The following TENM2 variants were observed in gnomAD, a reference collection of about 807,000 sequenced individuals.
TENM2 encodes teneurin transmembrane protein 2, also known as teneurin-2.
Under a neutral mutation model 245.2 loss-of-function variants are expected in TENM2, and 52 were observed. The ratio of observed to expected loss-of-function variants is 0.21; its 90% CI spans 0.17 to 0.27. TENM2 has a LOEUF of 0.27. Among genes scored for constraint, TENM2 ranks in the 10% least tolerant of loss-of-function variants. The probability of loss-of-function intolerance (pLI) is 1.00; values close to 1 mark genes in which losing one functional copy is unlikely to be tolerated. For missense variants in TENM2, 3,046 were observed against 3,666.8 expected (o/e 0.83, Z 4.37); for synonymous variants, 1,363 against 1,438.9 (o/e 0.95, Z 1.19).
chr5:167,286,274 A>C (rs1038872312), intron 1 of TENM2, among the ~76,000 whole-genome samples: 3 of 152,176 alleles, frequency 2.0e-5, no homozygotes, highest in African/African-American at 7.2e-5. Context: ...TTTTTATTTA[A>C]TCTTCCTTCT....
chr5:167,420,733 A>G (rs774014480), intron 2 of TENM2, among the ~76,000 whole-genome samples: 1 of 152,272 alleles, frequency 6.6e-6, no homozygotes, highest in South Asian at 2.1e-4. Context: ...TTTTTCCGAC[A>G]GCACCATCAT....
At chr5:167,707,582 C>T (rs1758620090) in intron 2 of TENM2, among the ~76,000 whole-genome samples, 1 of 152,134 alleles carries the variant, frequency 6.6e-6, no homozygotes, top group Non-Finnish European at 1.5e-5. Flanking sequence ...AGTTGTGCAG[C>T]TTTTTGGATG....
At chr5:167,008,117 G>A in the TENM2 span, among the ~76,000 whole-genome samples, 1 of 152,128 alleles carries the variant, frequency 6.6e-6, no homozygotes, top group Non-Finnish European at 1.5e-5. Flanking sequence ...CTATCTCAGG[G>A]TCTGTTTCTG....
At chr5:167,013,568 A>G in the TENM2 span, among the ~76,000 whole-genome samples, 1 of 152,076 alleles carries the variant, frequency 6.6e-6, no homozygotes, top group African/African-American at 2.4e-5. Context: ...TTAGCCAGGC[A>G]TGGTGGTGCA....
chr5:167,049,345 T>C, the TENM2 span, among the ~76,000 whole-genome samples: 1 of 152,088 alleles, frequency 6.6e-6, no homozygotes. Context: ...GCATTCAGGG[T>C]TTTTCATGAC....
intron 3 of TENM2, chr5:167,935,017 A>C: frequency 4.6e-6 from 3 of 657,554 alleles, no homozygotes; most frequent in Non-Finnish European, 5.7e-6. Flanking sequence ...TTGTGCCCTC[A>C]TGAGTGCGAG....
At chr5:167,679,749 C>T (rs1756575449) in intron 2 of TENM2, among the ~76,000 whole-genome samples, 1 of 152,046 alleles carries the variant, frequency 6.6e-6, no homozygotes, top group South Asian at 2.1e-4. Flanking sequence ...GAAAGAGTTA[C>T]ATTTTATTGA....
chr5:168,224,968 T>C (rs979946962), intron 23 of TENM2, among the ~76,000 whole-genome samples: 9 of 152,130 alleles, frequency 5.9e-5, no homozygotes, highest in Non-Finnish European at 1.3e-4. Context: ...CTAAAGGTGA[T>C]GTGGGGAGAA....
At chr5:167,581,004 C>T (rs555151738) in intron 2 of TENM2, among the ~76,000 whole-genome samples, 3 of 152,054 alleles carry the variant, frequency 2.0e-5, no homozygotes, top group Admixed American at 6.6e-5. Context: ...ATCAAAAAAA[C>T]GGGAACCAAA....
At chr5:167,555,957 A>C (rs1038533181) in intron 2 of TENM2, among the ~76,000 whole-genome samples, 64 of 152,152 alleles carry the variant, frequency 4.2e-4, no homozygotes, top group South Asian at 6.2e-4. Context: ...AGTGAGCCGC[A>C]TTAGTTCTCA....
At chr5:167,764,736 A>G (rs1762895409) in intron 2 of TENM2, among the ~76,000 whole-genome samples, 1 of 152,184 alleles carries the variant, frequency 6.6e-6, no homozygotes, top group African/African-American at 2.4e-5. Context: ...GCCAAGTTGC[A>G]TATTTATGAT....
At chr5:167,751,882 A>T (rs1761979411) in intron 2 of TENM2, among the ~76,000 whole-genome samples, 1 of 152,014 alleles carries the variant, frequency 6.6e-6, no homozygotes. Flanking sequence ...GTCATCTGTC[A>T]GTCCATAAAG....
chr5:167,973,532 T>C (rs1028940988), intron 4 of TENM2, among the ~76,000 whole-genome samples: 1 of 152,108 alleles, frequency 6.6e-6, no homozygotes, highest in Non-Finnish European at 1.5e-5. Context: ...TATATTGATA[T>C]AGGATGTTGT....
intron 2 of TENM2, among the ~76,000 whole-genome samples, chr5:167,395,642 G>A (rs902729917): frequency 1.3e-5 from 2 of 152,122 alleles, no homozygotes; most frequent in Non-Finnish European, 2.9e-5. Context: ...AATATAGCAA[G>A]TCTTCACTTA....
the TENM2 span, among the ~76,000 whole-genome samples, chr5:167,247,447 T>C: frequency 1.3e-5 from 2 of 152,168 alleles, no homozygotes; most frequent in Non-Finnish European, 2.9e-5. Flanking sequence ...AGTTTAAGGC[T>C]GTCAAATGAG....
At chr5:168,175,244 A>C (rs1356524973) in intron 13 of TENM2, among the ~76,000 whole-genome samples, 9 of 152,220 alleles carry the variant, frequency 5.9e-5, no homozygotes, top group Non-Finnish European at 1.0e-4. Flanking sequence ...TGGCTGCTCT[A>C]AGTGTTTGCA....
intron 6 of TENM2, among the ~76,000 whole-genome samples, chr5:168,060,038 C>T (rs180912569): frequency 5.9e-5 from 9 of 152,120 alleles, no homozygotes; most frequent in East Asian, 1.9e-4. Context: ...AACATGATGC[C>T]GTATTCCTCC....
At chr5:167,739,241 T>C (rs1490038232) in intron 2 of TENM2, among the ~76,000 whole-genome samples, 1 of 152,212 alleles carries the variant, frequency 6.6e-6, no homozygotes, top group African/African-American at 2.4e-5. Context: ...CTATTTCTAT[T>C]TCTGGGCTTT....
At chr5:167,025,678 A>AT in the TENM2 span, among the ~76,000 whole-genome samples, 1 of 152,336 alleles carries the variant, frequency 6.6e-6, no homozygotes, top group South Asian at 2.1e-4. Context: ...CTTGAGTTTT[A>AT]TAGACAGACA....
Sources: gnomAD v4.1 joint callset for allele counts (sites outside exome capture counted in the v4.1 genomes callset) on GRCh38, gnomAD v4.1.1 for gene constraint, MANE v1.5 for transcripts, NCBI Gene and HGNC (gene_info 2026-07-23, HGNC 2026-07-21) for gene names.